NUP43: variants seen among roughly 807,000 people sequenced by gnomAD.
NUP43 encodes the protein nucleoporin 43, also known as nucleoporin Nup43.
In NUP43, 32 loss-of-function variants were observed where a neutral mutation model predicts 47.3. The observed-to-expected ratio is 0.68, with a 90% CI of 0.51 to 0.91. The LOEUF (loss-of-function observed/expected upper bound fraction) is 0.91. NUP43 is among the 40% of genes least tolerant of loss of function. NUP43 has a pLI of 0.00. For missense variants in NUP43, 444 were observed against 453.9 expected, an observed-to-expected ratio of 0.98 and a Z score of 0.20; for synonymous variants, 147 against 158.4, an observed-to-expected ratio of 0.93 and a Z score of 0.54.
chr6:149,738,818 C>A, intron 4 of NUP43, 40 bp from the exon 5 acceptor site: 2 of 1,292,854 alleles, frequency 1.5e-6, no homozygotes, highest in Non-Finnish European at 1.0e-6. Flanking sequence ...TAATGAGTCC[C>A]CTTTTTTTCC....
intron 7 of NUP43, chr6:149,728,601 C>T (rs1435218247): frequency 5.0e-6 from 1 of 201,928 alleles, no homozygotes; most frequent in East Asian, 1.8e-4. Context: ...TGTGATAAGA[C>T]TCCTTCCTCA....
At chr6:149,746,226 G>T in intron 1 of NUP43, 150 bp downstream of exon 1, 1 of 1,343,790 alleles carries the variant, frequency 7.4e-7, no homozygotes, top group Non-Finnish European at 1.0e-6. Context: ...CCGGCTCTGA[G>T]CTACGGAGCA....
rs558748065 is a variant in NUP43 at position 149,730,761 on chromosome 6, T to C, written c.913+852A>G. ...GCCTGGGCAGCATAGTGAGAGCTCA[T>C]CTCTACAAAAAAATTAAAAAAAAAA... On this transcript the variant is annotated intron_variant, in intron 7 of 7. Transcript: ENST00000340413. Among the ~76,000 whole-genome samples, 613 of 151,274 alleles carry C rather than the reference T, an allele frequency of 4.1e-3. 1 individual carries two copies. Among genetic ancestry groups the C allele is most frequent in the Middle Eastern group, 0.01 (3 of 290 alleles).
In NUP43 at chr6:149,737,592, T is replaced by G. The variant is rs1785431343; in HGVS notation, c.639-970A>C. ...AAACATGTTTTATATGGTAACTAAG[T>G]GTCAACTTAGTGGCTGGAGCTACTG... On this transcript the variant is annotated intron_variant, in intron 5 of 7. Coordinates refer to ENST00000340413, the MANE Select transcript of NUP43 (RefSeq NM_198887.3). 2.0e-5 allele frequency among the ~76,000 whole-genome samples: 3 copies of G among 152,122 alleles called. 1 individual carries two copies. In the South Asian group the frequency reaches 6.2e-4, roughly 32 times the overall value.
chr6:149,738,280 T>C (rs778022842), intron 5 of NUP43, among the ~76,000 whole-genome samples: 6 of 152,190 alleles, frequency 3.9e-5, no homozygotes, highest in Non-Finnish European at 7.3e-5. Context: ...CGAGAGAACG[T>C]TGTACACCTA....
chr6:149,745,009 T>C (rs940845650), intron 2 of NUP43, among the ~76,000 whole-genome samples: 1 of 150,358 alleles, frequency 6.7e-6, no homozygotes, highest in Admixed American at 6.6e-5. Context: ...CAAGCGATTC[T>C]CCTGCCTCAG....
chr6:149,728,016 T>G, intron 7 of NUP43: 3 of 985,408 alleles, frequency 3.0e-6, no homozygotes, highest in Non-Finnish European at 3.6e-6. Flanking sequence ...TTTAAAATCT[T>G]GCTGATCCTT....
rs1784746037 is a variant in NUP43, at chr6:149,725,144, A to G, written c.*1825T>C. The G allele has an allele frequency of 6.6e-6, 1 of 152,212 alleles. No homozygotes were observed. The highest frequency in any genetic ancestry group is 2.1e-4 in the South Asian group (1 of 4,830). The allele number at this position is 152,212 out of a possible 1,614,324, so 9.4% of individuals were successfully genotyped here. On this transcript the variant is annotated 3_prime_UTR_variant, in exon 8 of 8. Transcript: ENST00000340413. ...AAACTTGTCAATTGGCATGAAATGT[A>G]ATGCTGTTAAAATATACTTTCTCTT... is the stretch of plus-strand genomic sequence containing the variant.
intron 6 of NUP43, among the ~76,000 whole-genome samples, chr6:149,734,851 T>C (rs1389420517): frequency 7.2e-6 from 1 of 139,608 alleles, no homozygotes; most frequent in East Asian, 2.1e-4. Flanking sequence ...AAAGACAGAG[T>C]GAGAAAATGA....
At chr6:149,736,702 GTTTGT>G in intron 5 of NUP43, 80 bp from the exon 6 acceptor site, 1 of 1,353,104 alleles carries the variant, frequency 7.4e-7, no homozygotes, top group South Asian at 1.4e-5. Flanking sequence ...CACGTTTTTT[GTTTGT>G]TTTGAGACAA....
intron 7 of NUP43, among the ~76,000 whole-genome samples, chr6:149,730,573 G>A (rs964564707): frequency 6.6e-6 from 1 of 152,112 alleles, no homozygotes; most frequent in African/African-American, 2.4e-5. Flanking sequence ...TTACTCTGAG[G>A]CAAGAGAATA....
intron 3 of NUP43, 103 bp from the exon 4 acceptor site, chr6:149,742,673 GAATA>G (rs1369881609): frequency 1.3e-6 from 1 of 785,136 alleles, no homozygotes; most frequent in Non-Finnish European, 2.0e-6. Flanking sequence ...CCTTCTACAA[GAATA>G]AATCTCTCCT....
intron 7 of NUP43, among the ~76,000 whole-genome samples, chr6:149,730,941 CAAAA>C (rs149014510): frequency 6.9e-6 from 1 of 144,782 alleles, no homozygotes; most frequent in African/African-American, 2.6e-5. Context: ...CTGTCTCAAA[CAAAA>C]AAAAAACAAA....
In NUP43 at chr6:149,738,771, T is replaced by C. The variant is rs747066775; in HGVS notation, c.510A>G (p.Ala170=). The change falls in exon 5 of 8, where the codon GCA becomes GCG. Residue 170 remains alanine (A), a synonymous_variant. Transcript: ENST00000340413. ...TTACAGCATGGAGTGTACTACTATC[T>C]GCATTGTCTAAAAATTTAAAAAATG... ...HKEAVRTIDN[A]DSSTLHAVTF... 6 of 1,498,702 alleles carry C rather than the reference T, an allele frequency of 4.0e-6. No individual in the cohort carries two copies. Among genetic ancestry groups the C allele is most frequent in the Non-Finnish European group, 5.3e-6 (6 of 1,125,284 alleles). The allele number at this position is 1,498,702 out of a possible 1,614,324, so 92.8% of individuals were successfully genotyped here. A position where few individuals can be genotyped will look rare whatever the true frequency, so the allele number is the denominator to read the frequency against.
chr6:149,731,419 G>A (rs944755094), intron 7 of NUP43, 194 bp downstream of exon 7: 5 of 380,334 alleles, frequency 1.3e-5, no homozygotes, highest in African/African-American at 2.1e-5. Flanking sequence ...AAAATTAGCC[G>A]GGCACGGTGG....
At chr6:149,743,398 TCAGCCTGACCAA>T (rs1194747800) in intron 3 of NUP43, among the ~76,000 whole-genome samples, 1 of 151,318 alleles carries the variant, frequency 6.6e-6, no homozygotes, top group Admixed American at 6.6e-5. Context: ...TCAGGTGAGA[TCAGCCTGACCAA>T]CATGGAGAAA....
chr6:149,746,280 A>G, intron 1 of NUP43, 96 bp downstream of exon 1: 2 of 1,535,356 alleles, frequency 1.3e-6, no homozygotes, highest in Non-Finnish European at 1.8e-6. Flanking sequence ...AAGTGCGAGA[A>G]GAACCAGAAG....
upstream of NUP43, among the ~76,000 whole-genome samples, chr6:149,747,771 C>T (rs983211785): frequency 1.3e-5 from 2 of 152,066 alleles, no homozygotes; most frequent in Non-Finnish European, 2.9e-5. Context: ...TTAAAAAGGG[C>T]CATTATGCTA....
intron 2 of NUP43, among the ~76,000 whole-genome samples, chr6:149,745,259 G>C (rs1042721287): frequency 2.0e-5 from 3 of 151,778 alleles, no homozygotes; most frequent in Non-Finnish European, 4.4e-5. Context: ...AATTAGCCGG[G>C]TATGGTGGCC....
Sources: allele counts gnomAD v4.1 joint callset (sites outside exome capture counted in the v4.1 genomes callset), GRCh38; gene constraint gnomAD v4.1.1; transcripts MANE v1.5; gene names NCBI Gene and HGNC (gene_info 2026-07-23, HGNC 2026-07-21).